Variants in WASL observed in about 807,000 individuals in gnomAD.
The protein encoded by WASL is WASP like actin nucleation promoting factor.
In WASL, 20 loss-of-function variants were observed where a neutral mutation model predicts 55.5. That is an observed-to-expected ratio of 0.36 (90% confidence interval 0.25 to 0.52). The LOEUF (loss-of-function observed/expected upper bound fraction) is 0.52, where lower values mean the gene tolerates loss of function less well. Ranked by LOEUF, WASL falls within the 20% of genes least tolerant of loss-of-function variation. The pLI is 0.92. For missense variants in WASL, 504 were observed against 622.5 expected (o/e 0.81, Z 2.03); for synonymous variants, 249 against 217.6 (o/e 1.14, Z -1.27).
Position 123,689,025 on chromosome 7 carries a change from TC to T in WASL, c.1456+16del, listed in dbSNP as rs749910202. The stretch of plus-strand genomic sequence containing the variant: ...CTCTCTGTCTCTCTCTCTCTCTCTC[TC>T]TCTCTCTCTCTCTACCTGAAGAATG... On this transcript the variant is annotated intron_variant, in intron 10 of 10. Transcript: ENST00000223023. 1.3e-6 allele frequency: 2 copies of T among 1,592,492 alleles called. No homozygotes were observed. Among genetic ancestry groups the T allele is most frequent in the African/African-American group, 2.7e-5 (2 of 73,404 alleles).
chr7:123,744,777 A>G (rs1804403993), intron 1 of WASL, among the ~76,000 whole-genome samples: 2 of 152,190 alleles, frequency 1.3e-5, no homozygotes, highest in South Asian at 4.1e-4. Flanking sequence ...TTTATATAAA[A>G]TTAACTGAAT....
At chr7:123,688,912 C>T in intron 10 of WASL, 130 bp downstream of exon 10, 2 of 830,370 alleles carry the variant, frequency 2.4e-6, no homozygotes, top group Non-Finnish European at 3.9e-6. Flanking sequence ...TCAGTAGTTA[C>T]TCAATTAGCA....
chr7:123,721,362 G>C (rs950766769), intron 1 of WASL, among the ~76,000 whole-genome samples: 1 of 152,108 alleles, frequency 6.6e-6, no homozygotes, highest in Admixed American at 6.6e-5. Flanking sequence ...CAAAAGGTAG[G>C]TTACTTTGAG....
In WASL at chr7:123,683,073, C is replaced by T. The variant is rs974727494; in HGVS notation, c.*1446G>A. The T allele has an allele frequency of 6.6e-6, 1 of 151,988 alleles. No homozygotes were observed. The highest frequency in any genetic ancestry group is 1.9e-4 in the East Asian group (1 of 5,188). 9.4% of individuals were successfully genotyped at this position (151,988 alleles called of 1,614,324 possible). A position where few individuals can be genotyped will look rare whatever the true frequency, so the allele number is the denominator to read the frequency against. ...TCCAGCCTGTCAAGATCTGCCAATA[C>T]GAGATTTTGGTTGGTACAATTCTAG... On this transcript the variant is annotated 3_prime_UTR_variant, in exon 11 of 11. Transcript: ENST00000223023.
intron 8 of WASL, among the ~76,000 whole-genome samples, 184 bp downstream of exon 8, chr7:123,694,531 G>A (rs770420159): frequency 1.3e-5 from 2 of 152,136 alleles, no homozygotes; most frequent in Non-Finnish European, 2.9e-5. Flanking sequence ...ACAAAACCTT[G>A]TAAAGTTTTT....
At chr7:123,710,797 C>T (rs1409142228) in intron 1 of WASL, among the ~76,000 whole-genome samples, 2 of 152,142 alleles carry the variant, frequency 1.3e-5, no homozygotes, top group Non-Finnish European at 2.9e-5. Context: ...ATGTGGGACA[C>T]TTTTTGGCCT....
intron 1 of WASL, among the ~76,000 whole-genome samples, chr7:123,735,332 G>A (rs1804207543): frequency 6.7e-6 from 1 of 149,628 alleles, no homozygotes; most frequent in East Asian, 2.0e-4. Flanking sequence ...AAGAGTCAAG[G>A]TAAATTTTAC....
chr7:123,698,920 C>T (rs1803532920), intron 5 of WASL, among the ~76,000 whole-genome samples: 1 of 152,154 alleles, frequency 6.6e-6, no homozygotes, highest in Non-Finnish European at 1.5e-5. Context: ...ACAGACTTAT[C>T]TGGTGGTCTA....
chr7:123,688,344 TTTATTA>T (rs201550950), intron 10 of WASL, among the ~76,000 whole-genome samples: 18 of 151,854 alleles, frequency 1.2e-4, no homozygotes, highest in African/African-American at 4.3e-4. Context: ...AATGGCCCGA[TTTATTA>T]TTATTATTAT....
intron 1 of WASL, among the ~76,000 whole-genome samples, chr7:123,731,612 C>T (rs1804137795): frequency 6.6e-6 from 1 of 152,086 alleles, no homozygotes; most frequent in South Asian, 2.1e-4. Flanking sequence ...AGTATGCTCT[C>T]AGACCATAAT....
At chr7:123,730,463 C>T (rs1265550484) in intron 1 of WASL, among the ~76,000 whole-genome samples, 1 of 152,010 alleles carries the variant, frequency 6.6e-6, no homozygotes, top group Admixed American at 6.6e-5. Context: ...CTCCACTATT[C>T]ACAAAGCACT....
At chr7:123,707,010 A>C (rs945139751) in intron 2 of WASL, among the ~76,000 whole-genome samples, 184 bp from the exon 3 acceptor site, 2 of 152,182 alleles carry the variant, frequency 1.3e-5, no homozygotes, top group African/African-American at 2.4e-5. Context: ...TTAAAACTGA[A>C]AACACTGGAT....
intron 5 of WASL, among the ~76,000 whole-genome samples, chr7:123,704,305 TTGTATACTTAGTCAAC>T (rs1185524819): frequency 6.6e-6 from 1 of 152,196 alleles, no homozygotes. Flanking sequence ...TAAGGTCCGA[TTGTATACTTAGTCAAC>T]TGTGAATCCA....
In WASL at chr7:123,709,208, C is replaced by G. The variant is rs1803718724; in HGVS notation, c.133G>C (p.Val45Leu). 6.2e-7 allele frequency: 1 copy of G among 1,606,200 alleles called. No individual in the cohort carries two copies. The highest frequency in any genetic ancestry group is 1.7e-5 in the Admixed American group (1 of 59,082). ...CGATCTGCTGCATATAACTGCACCA[C>G]TGCTGAAGACATAGTCTGCAAAATA... ...GKKCVTMSSA[V>L]VQLYAADRNC... Residue 45 changes from valine to leucine, a missense_variant, in exon 2 of 11, where the codon GTG becomes CTG. Val to Leu is a conservative substitution (Grantham distance 32). Coordinates refer to ENST00000223023, the MANE Select transcript of WASL (RefSeq NM_003941.4).
chr7:123,696,837 A>C, intron 5 of WASL, 90 bp from the exon 6 acceptor site: 1 of 879,410 alleles, frequency 1.1e-6, no homozygotes, highest in Non-Finnish European at 1.5e-6. Context: ...TTTTTCTGAA[A>C]TAGGATCACT....
At chr7:123,700,651 G>A (rs1803573515) in intron 5 of WASL, among the ~76,000 whole-genome samples, 1 of 152,104 alleles carries the variant, frequency 6.6e-6, no homozygotes, top group African/African-American at 2.4e-5. Context: ...TATTAGCCAG[G>A]ATGGTCTTGA....
intron 4 of WASL, 58 bp from the exon 5 acceptor site, chr7:123,704,715 A>G: frequency 8.6e-7 from 1 of 1,164,358 alleles, no homozygotes; most frequent in East Asian, 2.9e-5. Flanking sequence ...ACATCAACAT[A>G]AAAAAATTAA....
chr7:123,685,750 A>G (rs183215176), intron 10 of WASL, among the ~76,000 whole-genome samples: 1 of 151,448 alleles, frequency 6.6e-6, no homozygotes, highest in African/African-American at 2.4e-5. Flanking sequence ...ATCAGATTTT[A>G]TAAGCATACT....
At chr7:123,692,897 T>C in intron 8 of WASL, 30 bp from the exon 9 acceptor site, 4 of 1,343,648 alleles carry the variant, frequency 3.0e-6, no homozygotes, top group Non-Finnish European at 3.8e-6. Context: ...AAAGAAGGCA[T>C]GCTTTTTTCT....
Sources: allele counts gnomAD v4.1 joint callset (sites outside exome capture counted in the v4.1 genomes callset), GRCh38; gene constraint gnomAD v4.1.1; transcripts MANE v1.5; gene names NCBI Gene and HGNC (gene_info 2026-07-23, HGNC 2026-07-21).